DIAPH2: variants seen among roughly 807,000 people sequenced by gnomAD.
DIAPH2 encodes the protein diaphanous related formin 2.
In DIAPH2, 35 loss-of-function variants were observed where a neutral mutation model predicts 92.7. That is an observed-to-expected ratio of 0.38 (90% confidence interval 0.29 to 0.50). DIAPH2 has a LOEUF of 0.50. Ranked by LOEUF, DIAPH2 falls within the 20% of genes least tolerant of loss-of-function variation. DIAPH2 has a pLI of 0.94. For missense variants in DIAPH2, 701 were observed against 819.5 expected, an observed-to-expected ratio of 0.86 and a Z score of 1.77; for synonymous variants, 301 against 280.4, an observed-to-expected ratio of 1.07 and a Z score of -0.73.
At chrX:97,051,537 C>T (rs1437660839) in intron 17 of DIAPH2, among the ~76,000 whole-genome samples, 1 of 102,619 alleles carries the variant, frequency 9.7e-6, no homozygotes, top group African/African-American at 3.6e-5. Context: ...TTTTAATTGG[C>T]CACTCACCTC....
At chrX:96,938,612 C>A (rs2065673323) in intron 11 of DIAPH2, among the ~76,000 whole-genome samples, 1 of 111,311 alleles carries the variant, frequency 9.0e-6, no homozygotes, top group African/African-American at 3.3e-5. Flanking sequence ...CTTTATTTTA[C>A]CTTGGTTTTC....
intron 26 of DIAPH2, among the ~76,000 whole-genome samples, chrX:97,490,137 C>G (rs2070715597): frequency 9.1e-6 from 1 of 110,404 alleles, no homozygotes; most frequent in Non-Finnish European, 1.9e-5. Flanking sequence ...CATGATTTAC[C>G]CTTGGTAGGT....
rs145638927 is a variant in DIAPH2 at position 97,155,013 on chromosome X, T to C, written c.2719+13219T>C. On this transcript the variant is annotated intron_variant, in intron 22 of 26. Coordinates refer to ENST00000324765, the MANE Select transcript of DIAPH2 (RefSeq NM_006729.5). ...TTCCAAACGTATTTAGCCTCACCAG[T>C]AATGGAAGAAGTGCACATGAAACAA... 4.7e-4 allele frequency among the ~76,000 whole-genome samples: 53 copies of C among 112,075 alleles called. 1 individual carries two copies. The East Asian group carries it at 0.014, about 30-fold the overall frequency.
At chrX:97,244,566 G>A (rs1256761679) in intron 22 of DIAPH2, among the ~76,000 whole-genome samples, 2 of 111,893 alleles carry the variant, frequency 1.8e-5, no homozygotes, top group South Asian at 3.8e-4. Flanking sequence ...TAACTTGAGA[G>A]GGGAGCATTC....
chrX:96,930,175 A>G (rs2065610280), intron 9 of DIAPH2, among the ~76,000 whole-genome samples: 1 of 110,820 alleles, frequency 9.0e-6, no homozygotes, highest in African/African-American at 3.3e-5. Flanking sequence ...ATTTTTTCAA[A>G]CCTAGTAAAT....
chrX:97,598,063 G>A (rs1260787707), intron 26 of DIAPH2, among the ~76,000 whole-genome samples: 1 of 111,224 alleles, frequency 9.0e-6, no homozygotes, highest in Non-Finnish European at 1.9e-5. Context: ...AGAGATGCTA[G>A]CACAGACAAG....
At chrX:96,962,430 C>CACACAT (rs2065865326) in intron 16 of DIAPH2, among the ~76,000 whole-genome samples, 2 of 43,725 alleles carry the variant, frequency 4.6e-5, no homozygotes, top group African/African-American at 1.7e-4. Context: ...CATATATATA[C>CACACAT]ATATATATAT....
At chrX:97,283,314 T>A (rs967713157) in intron 23 of DIAPH2, among the ~76,000 whole-genome samples, 26 of 111,913 alleles carry the variant, frequency 2.3e-4, no homozygotes, top group Non-Finnish European at 4.1e-4. Context: ...ATGATGATGA[T>A]GTTATCCTAG....
intron 22 of DIAPH2, among the ~76,000 whole-genome samples, chrX:97,180,845 T>C (rs769503099): frequency 9.0e-6 from 1 of 111,305 alleles, no homozygotes; most frequent in South Asian, 3.8e-4. Flanking sequence ...GAGGTCTGTG[T>C]TCTGTTCCAT....
At chrX:97,263,142 T>C (rs1407949442) in intron 23 of DIAPH2, among the ~76,000 whole-genome samples, 1 of 112,436 alleles carries the variant, frequency 8.9e-6, no homozygotes, top group Non-Finnish European at 1.9e-5. Flanking sequence ...TTTTACTTTG[T>C]TATTTGTTAG....
chrX:96,986,847 C>A (rs2147844890), intron 17 of DIAPH2, among the ~76,000 whole-genome samples: 1 of 111,269 alleles, frequency 9.0e-6, no homozygotes, highest in African/African-American at 3.2e-5. Flanking sequence ...AAGGCACCAG[C>A]TATGCGTTAA....
intron 22 of DIAPH2, among the ~76,000 whole-genome samples, chrX:97,154,805 G>A (rs2067310479): frequency 8.9e-6 from 1 of 112,136 alleles, no homozygotes; most frequent in Non-Finnish European, 1.9e-5. Context: ...GTAAGTGTAT[G>A]CTTTAAATTA....
chrX:97,069,664 C>G (rs1439374836), intron 17 of DIAPH2, among the ~76,000 whole-genome samples: 1 of 111,515 alleles, frequency 9.0e-6, no homozygotes, highest in African/African-American at 3.3e-5. Context: ...TGATTCTGGC[C>G]ATAGAAATCA....
intron 26 of DIAPH2, among the ~76,000 whole-genome samples, chrX:97,453,627 T>C (rs2147795636): frequency 8.9e-6 from 1 of 111,844 alleles, no homozygotes; most frequent in Non-Finnish European, 1.9e-5. Context: ...CACAATAAAT[T>C]AAACTGTTAG....
At chrX:97,165,465 A>G (rs193244203) in intron 22 of DIAPH2, among the ~76,000 whole-genome samples, 4 of 111,341 alleles carry the variant, frequency 3.6e-5, no homozygotes, top group African/African-American at 1.3e-4. Context: ...ACATACTCTG[A>G]TGCAATTCTG....
intron 4 of DIAPH2, among the ~76,000 whole-genome samples, chrX:96,853,523 C>A (rs1253821387): frequency 9.0e-6 from 1 of 111,376 alleles, no homozygotes; most frequent in Non-Finnish European, 1.9e-5. Flanking sequence ...AAAAAGGGAT[C>A]ATCCTAGGTT....
At chrX:97,366,209 G>A (rs2069379819) in intron 24 of DIAPH2, among the ~76,000 whole-genome samples, 2 of 111,607 alleles carry the variant, frequency 1.8e-5, no homozygotes, top group African/African-American at 6.5e-5. Flanking sequence ...TACTGTTCTA[G>A]AAATCTAATA....
At chrX:96,978,643 A>G (rs1200315667) in intron 17 of DIAPH2, among the ~76,000 whole-genome samples, 1 of 110,300 alleles carries the variant, frequency 9.1e-6, no homozygotes, top group African/African-American at 3.3e-5. Flanking sequence ...TGTGAATAAT[A>G]TTAATTATTA....
At chrX:96,764,234 A>T (rs1354112660) in intron 4 of DIAPH2, among the ~76,000 whole-genome samples, 1 of 110,928 alleles carries the variant, frequency 9.0e-6, no homozygotes, top group Non-Finnish European at 1.9e-5. Context: ...ATTAGAGAAA[A>T]ATCTGTGTAA....
Sources: gnomAD v4.1 joint callset for allele counts (sites outside exome capture counted in the v4.1 genomes callset) on GRCh38, gnomAD v4.1.1 for gene constraint, MANE v1.5 for transcripts, NCBI Gene and HGNC (gene_info 2026-07-23, HGNC 2026-07-21) for gene names.